The following ATP6V0A4 variants were observed in gnomAD, a reference collection of about 807,000 sequenced individuals.
ATP6V0A4 encodes ATPase H+ transporting V0 subunit a4.
ATP6V0A4 carries 86 observed loss-of-function variants against 107.3 expected under a neutral mutation model. That is an observed-to-expected ratio of 0.80 (90% CI 0.67 to 0.96). The LOEUF is 0.96. ATP6V0A4 is among the 40% of genes least tolerant of loss of function. The pLI, the probability that ATP6V0A4 is intolerant of heterozygous loss-of-function variation, is 0.00. For synonymous variants in ATP6V0A4, 353 were observed against 381.4 expected, an observed-to-expected ratio of 0.93 and a Z score of 0.87; for missense variants, 908 against 1,045.6, an observed-to-expected ratio of 0.87 and a Z score of 1.81.
chr7:138,796,026 G>A (rs558770576), intron 1 of ATP6V0A4, among the ~76,000 whole-genome samples: 30 of 152,196 alleles, frequency 2.0e-4, no homozygotes, highest in Non-Finnish European at 4.1e-4. Flanking sequence ...GGAAATCTTG[G>A]GGATTCCACG....
intron 19 of ATP6V0A4, among the ~76,000 whole-genome samples, chr7:138,717,762 G>T (rs1804120053): frequency 6.7e-6 from 1 of 150,164 alleles, no homozygotes; most frequent in Non-Finnish European, 1.5e-5. Flanking sequence ...ACAAAAATTA[G>T]ACAGGGGTGG....
At chr7:138,727,337 A>T (rs1804774652) in intron 18 of ATP6V0A4, among the ~76,000 whole-genome samples, 2 of 152,160 alleles carry the variant, frequency 1.3e-5, no homozygotes, top group African/African-American at 4.8e-5. Flanking sequence ...TTCTCCAAAC[A>T]GGTATTTGCC....
intron 21 of ATP6V0A4, among the ~76,000 whole-genome samples, 163 bp downstream of exon 21, chr7:138,709,461 A>G (rs568704741): frequency 6.6e-6 from 1 of 152,084 alleles, no homozygotes; most frequent in East Asian, 1.9e-4. Flanking sequence ...CATATATTAC[A>G]TCATTTAATA....
chr7:138,776,314 C>T (rs1003188530), intron 2 of ATP6V0A4, among the ~76,000 whole-genome samples: 20 of 152,292 alleles, frequency 1.3e-4, no homozygotes, highest in South Asian at 6.2e-4. Flanking sequence ...TCTGAGAGAG[C>T]ACCTGCTCTG....
At chr7:138,728,984 T>A in intron 17 of ATP6V0A4, 122 bp from the exon 18 acceptor site, 4 of 1,564,470 alleles carry the variant, frequency 2.6e-6, no homozygotes, top group East Asian at 4.6e-5. Flanking sequence ...TCTAAAGCAT[T>A]TCAATGAATC....
At chr7:138,796,118 C>T (rs1030769948) in intron 1 of ATP6V0A4, among the ~76,000 whole-genome samples, 5 of 152,166 alleles carry the variant, frequency 3.3e-5, no homozygotes, top group African/African-American at 1.2e-4. Context: ...GTGAGGAAAA[C>T]ATCGAGGACA....
At position 138,723,027 on chromosome 7, in the gene ATP6V0A4, C is replaced by A. The variant is rs1422071246; in HGVS notation, c.2011-1002G>T. On this transcript the variant is annotated intron_variant, in intron 18 of 21. Transcript: ENST00000310018. The stretch of plus-strand genomic sequence containing the variant: ...GAGCCAAGATTGTGCCACTGCACTC[C>A]AGCCTGGGGGACAGAGTGAGACTGT... Among the ~76,000 whole-genome samples the A allele has an allele frequency of 7.0e-5, 10 of 141,990 alleles. 2 individuals are homozygous for A. In the Admixed American group the frequency reaches 7.5e-4, roughly 11 times the overall value. 93.2% of individuals were successfully genotyped at this position (141,990 alleles called of 152,430 possible). A position where few individuals can be genotyped will look rare whatever the true frequency, so the allele number is the denominator to read the frequency against.
intron 21 of ATP6V0A4, among the ~76,000 whole-genome samples, chr7:138,709,363 A>G (rs372875480): frequency 6.6e-6 from 1 of 151,978 alleles, no homozygotes; most frequent in African/African-American, 2.4e-5. Context: ...TCTAAAAGGG[A>G]AGGAGTAAAT....
Position 138,739,534 on chromosome 7 carries a change from T to G in ATP6V0A4, c.1572+6A>C. The G allele has an allele frequency of 6.2e-7, 1 of 1,614,058 alleles. No homozygotes were observed. Among genetic ancestry groups the G allele is most frequent in the Non-Finnish European group, 8.5e-7 (1 of 1,179,970 alleles). On this transcript the variant is annotated splice_donor_region_variant and intron_variant, in intron 15 of 21. Transcript: ENST00000310018. ...AGAAATATTTAACCCAAGAAGACATTATTACCGGATCAATCCCAAACGGGT... is the reference window on the plus strand; with the variant it reads ...AGAAATATTTAACCCAAGAAGACATGATTACCGGATCAATCCCAAACGGGT...
At chr7:138,718,202 G>C (rs1328362713) in intron 19 of ATP6V0A4, among the ~76,000 whole-genome samples, 1 of 27,948 alleles carries the variant, frequency 3.6e-5, no homozygotes, top group Non-Finnish European at 6.4e-5. Flanking sequence ...GAAGGAATGG[G>C]TGTGTGTGTG....
At chr7:138,763,738 A>T (rs1806945404) in intron 5 of ATP6V0A4, among the ~76,000 whole-genome samples, 3 of 152,040 alleles carry the variant, frequency 2.0e-5, no homozygotes, top group African/African-American at 7.2e-5. Context: ...TAATCCCAGC[A>T]CTTTGGGAGG....
At chr7:138,742,822 C>T (rs780394034) in intron 14 of ATP6V0A4, among the ~76,000 whole-genome samples, 3 of 150,374 alleles carry the variant, frequency 2.0e-5, no homozygotes, top group Non-Finnish European at 4.4e-5. Flanking sequence ...TGTGAGCCAC[C>T]GTGCTCAACC....
intron 18 of ATP6V0A4, among the ~76,000 whole-genome samples, chr7:138,726,661 T>C (rs1003314700): frequency 6.6e-5 from 10 of 152,138 alleles, no homozygotes; most frequent in Non-Finnish European, 1.5e-5. Context: ...ATAATGCCAT[T>C]ATAGGACCAT....
chr7:138,795,462 A>T (rs1463783561), intron 1 of ATP6V0A4, among the ~76,000 whole-genome samples: 1 of 152,150 alleles, frequency 6.6e-6, no homozygotes, highest in East Asian at 1.9e-4. Context: ...AGGCCATCTT[A>T]CATGTTTGCA....
chr7:138,746,000 A>ATTAATATATATTT (rs1805924687), intron 13 of ATP6V0A4, among the ~76,000 whole-genome samples: 1 of 89,356 alleles, frequency 1.1e-5, no homozygotes, highest in African/African-American at 3.9e-5. Flanking sequence ...TATAAATATA[A>ATTAATATATATTT]ATAATATATA....
intron 11 of ATP6V0A4, among the ~76,000 whole-genome samples, chr7:138,752,163 A>G (rs1335727926): frequency 2.0e-5 from 3 of 152,008 alleles, no homozygotes; most frequent in Non-Finnish European, 4.4e-5. Flanking sequence ...TGAGGTCAGG[A>G]GTTTAAGAGC....
rs757828302 is a variant in ATP6V0A4, at chr7:138,773,007, G to A, written c.-17-1743C>T. 1.4e-4 allele frequency among the ~76,000 whole-genome samples: 22 copies of A among 152,128 alleles called. No individual in the cohort carries two copies. Among genetic ancestry groups the A allele is most frequent in the African/African-American group, 4.1e-4 (17 of 41,408 alleles). On this transcript the variant is annotated intron_variant, in intron 2 of 21. Transcript: ENST00000310018. The surrounding 1 kb of genome is among the most constrained non-coding windows in gnomAD (Gnocchi z 5.4). Reference sequence around the variant, plus strand: ...AGAAGCTATTCCCAAAGATCCTCCCGACGGCCCTACTGCTGCCAAATCACA... The same window carrying A: ...AGAAGCTATTCCCAAAGATCCTCCCAACGGCCCTACTGCTGCCAAATCACA...
intron 8 of ATP6V0A4, among the ~76,000 whole-genome samples, chr7:138,758,738 A>ATTTT (rs1806631069): frequency 1.4e-5 from 1 of 72,036 alleles, no homozygotes; most frequent in African/African-American, 4.0e-5. Flanking sequence ...ACTGACTCAG[A>ATTTT]ATTTTTTTTT....
chr7:138,709,348 GATC>G lies in ATP6V0A4; in HGVS notation c.2429+273_2429+275del, dbSNP rs556238488. Reference sequence around the variant, plus strand: ...CCAATTGTAATAACAAATGAACACTGATCATCTAAAAGGGAAGGAGTAAATGAG... The same window carrying G: ...CCAATTGTAATAACAAATGAACACTGATCTAAAAGGGAAGGAGTAAATGAG... On this transcript the variant is annotated intron_variant, in intron 21 of 21. Transcript: ENST00000310018. Among the ~76,000 whole-genome samples the G allele has an allele frequency of 1.1e-3, 165 of 151,622 alleles. No individual in the cohort carries two copies. The South Asian group carries it at 0.014, about 12-fold the overall frequency.
Sources: gnomAD v4.1 joint callset for allele counts (sites outside exome capture counted in the v4.1 genomes callset) on GRCh38, gnomAD v4.1.1 for gene constraint, Gnocchi (gnomAD v3.1) non-coding constraint, MANE v1.5 for transcripts, NCBI Gene and HGNC (gene_info 2026-07-23, HGNC 2026-07-21) for gene names.